PIK3R3: variants seen among roughly 807,000 people sequenced by gnomAD.
The protein encoded by PIK3R3 is phosphatidylinositol 3-kinase regulatory subunit gamma.
Under a neutral mutation model 62.9 loss-of-function variants are expected in PIK3R3, and 64 were observed. The ratio of observed to expected loss-of-function variants is 1.02; its 90% confidence interval spans 0.83 to 1.25. The LOEUF is 1.25. PIK3R3 is among the 50% of genes most tolerant of loss of function. PIK3R3 has a pLI of 0.00. For missense variants in PIK3R3, 614 were observed against 561.6 expected, an observed-to-expected ratio of 1.09 and a Z score of -0.94; for synonymous variants, 165 against 189.0, an observed-to-expected ratio of 0.87 and a Z score of 1.04.
At chr1:46,125,280 A>C (rs528514104) in intron 1 of PIK3R3, among the ~76,000 whole-genome samples, 1 of 152,292 alleles carries the variant, frequency 6.6e-6, no homozygotes, top group Non-Finnish European at 1.5e-5. Context: ...TTCAATAAGA[A>C]GACAAAAAAA....
At chr1:46,049,785 C>T (rs1423199514) in intron 7 of PIK3R3, among the ~76,000 whole-genome samples, 1 of 151,954 alleles carries the variant, frequency 6.6e-6, no homozygotes, top group Non-Finnish European at 1.5e-5. Flanking sequence ...TTAATGTAAC[C>T]AGGCCAGTGG....
At chr1:46,145,156 A>G in the PIK3R3 span, among the ~76,000 whole-genome samples, 2 of 151,832 alleles carry the variant, frequency 1.3e-5, no homozygotes, top group South Asian at 4.2e-4. Flanking sequence ...AGACTGGGTT[A>G]AAATTTAGAA....
chr1:46,059,488 A>G (rs748527495), intron 6 of PIK3R3, among the ~76,000 whole-genome samples: 86 of 152,222 alleles, frequency 5.6e-4, no homozygotes, highest in Non-Finnish European at 9.7e-4. Flanking sequence ...GACTGTCTAC[A>G]TTATTCCCTT....
At position 46,043,589 on chromosome 1, in the gene PIK3R3, T is replaced by G. The variant is rs1647033663; in HGVS notation, c.*84A>C. The G allele has an allele frequency of 2.0e-5, 24 of 1,184,764 alleles. No individual in the cohort carries two copies. Among genetic ancestry groups the G allele is most frequent in the Non-Finnish European group, 3.0e-5 (24 of 804,406 alleles). 73.4% of individuals were successfully genotyped at this position (1,184,764 alleles called of 1,614,324 possible). On this transcript the variant is annotated 3_prime_UTR_variant, in exon 10 of 10. Transcript: ENST00000262741. ...CACTTCTTGTGCAAAACAAGCAGTC[T>G]ATGTAGAAAGAATGCCCTCATCGTA...
In PIK3R3 at chr1:46,040,342, T is replaced by C. The variant is rs1646972714; in HGVS notation, c.*3331A>G. ...GTGGTCTAGCAACTACATTATGAAC[T>C]GTCCCATCACAAGACATACAGTTGG... is the stretch of plus-strand genomic sequence containing the variant. On this transcript the variant is annotated 3_prime_UTR_variant, in exon 10 of 10. Coordinates refer to ENST00000262741, the MANE Select transcript of PIK3R3 (RefSeq NM_003629.4). 2 of 231,578 alleles carry C rather than the reference T, an allele frequency of 8.6e-6. No homozygotes were observed. The highest frequency in any genetic ancestry group is 4.4e-5 in the African/African-American group (2 of 45,212). 14.3% of individuals were successfully genotyped at this position (231,578 alleles called of 1,614,324 possible). A position where few individuals can be genotyped will look rare whatever the true frequency, so the allele number is the denominator to read the frequency against.
chr1:46,094,314 AATG>A (rs1410312830), intron 1 of PIK3R3, among the ~76,000 whole-genome samples: 1 of 152,218 alleles, frequency 6.6e-6, no homozygotes, highest in Non-Finnish European at 1.5e-5. Flanking sequence ...AGGAACAAAA[AATG>A]AAGTGAATTA....
At chr1:46,058,266 G>T (rs1344375076) in intron 6 of PIK3R3, among the ~76,000 whole-genome samples, 1 of 152,280 alleles carries the variant, frequency 6.6e-6, no homozygotes, top group Admixed American at 6.5e-5. Context: ...CCAGGCAGAA[G>T]TTTGCTGCAG....
intron 1 of PIK3R3, among the ~76,000 whole-genome samples, chr1:46,096,664 G>C (rs767811407): frequency 6.6e-6 from 1 of 151,974 alleles, no homozygotes; most frequent in Admixed American, 6.6e-5. Context: ...TTAGGGAGAC[G>C]GGCAGGCCGA....
At chr1:46,144,041 G>A in the PIK3R3 span, among the ~76,000 whole-genome samples, 1 of 152,122 alleles carries the variant, frequency 6.6e-6, no homozygotes, top group Non-Finnish European at 1.5e-5. Context: ...ATTTGTACAT[G>A]ACTGTGTCCC....
intron 1 of PIK3R3, among the ~76,000 whole-genome samples, chr1:46,120,063 T>C (rs1654528341): frequency 6.6e-6 from 1 of 152,210 alleles, no homozygotes; most frequent in African/African-American, 2.4e-5. Context: ...TTACTTAATT[T>C]ACTGAACTTT....
intron 3 of PIK3R3, among the ~76,000 whole-genome samples, chr1:46,068,673 G>C (rs1649222104): frequency 6.6e-6 from 1 of 152,188 alleles, no homozygotes; most frequent in Admixed American, 6.5e-5. Flanking sequence ...AAGTTTCCTA[G>C]AGAGAGGTGC....
the PIK3R3 span, among the ~76,000 whole-genome samples, chr1:46,167,550 G>C: frequency 6.6e-6 from 1 of 152,184 alleles, no homozygotes; most frequent in African/African-American, 2.4e-5. Context: ...TGCCAGCCTG[G>C]AGGTGGTGAG....
the PIK3R3 span, among the ~76,000 whole-genome samples, chr1:46,140,170 T>C: frequency 6.6e-6 from 1 of 152,134 alleles, no homozygotes; most frequent in Non-Finnish European, 1.5e-5. Context: ...TTATTTTTAT[T>C]TTTTGTAGAG....
At chr1:46,092,637 A>C (rs1422979698) in intron 1 of PIK3R3, among the ~76,000 whole-genome samples, 1 of 152,188 alleles carries the variant, frequency 6.6e-6, no homozygotes, top group African/African-American at 2.4e-5. Context: ...TGCTGGGATT[A>C]CAGGAGTGAG....
At chr1:46,165,540 A>G in the PIK3R3 span, among the ~76,000 whole-genome samples, 1 of 151,626 alleles carries the variant, frequency 6.6e-6, no homozygotes, top group Admixed American at 6.6e-5. Flanking sequence ...TCCCGACCTC[A>G]GATGATCCGC....
At chr1:46,055,432 G>A (rs1209091629) in intron 7 of PIK3R3, among the ~76,000 whole-genome samples, 1 of 152,114 alleles carries the variant, frequency 6.6e-6, no homozygotes, top group Non-Finnish European at 1.5e-5. Flanking sequence ...CCCCTCAGAG[G>A]AAATAGAAAT....
chr1:46,095,903 T>C (rs1010740246), intron 1 of PIK3R3, among the ~76,000 whole-genome samples: 4 of 152,212 alleles, frequency 2.6e-5, no homozygotes, highest in African/African-American at 7.2e-5. Context: ...CAAAATGCTG[T>C]TGATATTAAT....
At chr1:46,046,717 G>C (rs1647127433) in intron 7 of PIK3R3, 92 bp from the exon 8 acceptor site, 2 of 814,698 alleles carry the variant, frequency 2.5e-6, no homozygotes, top group East Asian at 5.1e-5. Context: ...CTAGAGTCTA[G>C]ACACCTCTTG....
chr1:46,068,375 TC>T (rs1649196424), intron 3 of PIK3R3, among the ~76,000 whole-genome samples: 1 of 152,206 alleles, frequency 6.6e-6, no homozygotes, highest in South Asian at 2.1e-4. Flanking sequence ...CCAGACACAG[TC>T]CATGCTCTCA....
Sources: allele counts gnomAD v4.1 joint callset (sites outside exome capture counted in the v4.1 genomes callset), GRCh38; gene constraint gnomAD v4.1.1; transcripts MANE v1.5; gene names NCBI Gene and HGNC (gene_info 2026-07-23, HGNC 2026-07-21).